DNMT3B: variants seen among roughly 807,000 people sequenced by gnomAD.
The protein encoded by DNMT3B is DNA methyltransferase 3 beta.
In DNMT3B, 37 loss-of-function variants were observed where a neutral mutation model predicts 120.2. The ratio of observed to expected loss-of-function variants is 0.31; its 90% CI spans 0.24 to 0.40. The LOEUF is 0.40. Ranked by LOEUF, DNMT3B falls within the 10% of genes least tolerant of loss-of-function variation. The probability of loss-of-function intolerance (pLI) is 1.00; values close to 1 mark genes in which losing one functional copy is unlikely to be tolerated. For missense variants in DNMT3B, 878 were observed against 1,137.3 expected, an observed-to-expected ratio of 0.77 and a Z score of 3.28; for synonymous variants, 412 against 442.8, an observed-to-expected ratio of 0.93 and a Z score of 0.87.
intron 16 of DNMT3B, 121 bp downstream of exon 16, chr20:32,799,449 C>T: frequency 1.7e-6 from 2 of 1,147,722 alleles, no homozygotes; most frequent in African/African-American, 3.1e-5. Context: ...GGATTACCAG[C>T]CCTGAAAAAA....
At chr20:32,791,819 GC>G in intron 8 of DNMT3B, 111 bp downstream of exon 8, 1 of 1,179,980 alleles carries the variant, frequency 8.5e-7, no homozygotes, top group Non-Finnish European at 1.2e-6. Context: ...GGACAGGGTG[GC>G]CAGGGAGGAG....
chr20:32,773,953 T>TTTTTTTC (rs1987911822), intron 1 of DNMT3B, among the ~76,000 whole-genome samples: 1 of 145,702 alleles, frequency 6.9e-6, no homozygotes, highest in East Asian at 2.0e-4. Flanking sequence ...TTTTTTTTTT[T>TTTTTTTC]TTTTTTTACG....
intron 20 of DNMT3B, among the ~76,000 whole-genome samples, 189 bp downstream of exon 20, chr20:32,802,659 G>T (rs1568860673): frequency 6.6e-6 from 1 of 152,044 alleles, no homozygotes; most frequent in African/African-American, 2.4e-5. Flanking sequence ...AATCTCTGTA[G>T]GAGTCCCACT....
intron 4 of DNMT3B, among the ~76,000 whole-genome samples, chr20:32,785,571 C>A (rs1038337783): frequency 3.2e-4 from 48 of 152,266 alleles, no homozygotes; most frequent in African/African-American, 1.2e-3. Context: ...ACCAGACTGA[C>A]AGTTACTATC....
intron 3 of DNMT3B, 37 bp downstream of exon 3, chr20:32,781,451 ACTTTGTCTTTG>A: frequency 6.2e-7 from 1 of 1,612,834 alleles, no homozygotes; most frequent in Non-Finnish European, 8.5e-7. Context: ...GGGCTCAGGG[ACTTTGTCTTTG>A]GCTTTCATCA....
intron 2 of DNMT3B, 39 bp from the exon 3 acceptor site, chr20:32,781,314 T>A: frequency 6.3e-7 from 1 of 1,585,450 alleles, no homozygotes; most frequent in African/African-American, 1.5e-5. Flanking sequence ...GACTGGTGCC[T>A]GCCCCCACAA....
At chr20:32,787,097 T>A (rs1979378884) in intron 5 of DNMT3B, 133 bp from the exon 6 acceptor site, 2 of 1,091,326 alleles carry the variant, frequency 1.8e-6, no homozygotes, top group Admixed American at 3.5e-5. Flanking sequence ...AAAAGTTTCT[T>A]CAGCGGTCTC....
intron 12 of DNMT3B, 109 bp from the exon 13 acceptor site, chr20:32,796,681 G>A: frequency 1.7e-6 from 2 of 1,208,034 alleles, no homozygotes; most frequent in Non-Finnish European, 2.5e-6. Context: ...AAGAGTCCTT[G>A]GCAAGCTGCT....
intron 1 of DNMT3B, among the ~76,000 whole-genome samples, chr20:32,773,357 G>A (rs893463671): frequency 2.0e-5 from 3 of 152,272 alleles, no homozygotes; most frequent in East Asian, 3.9e-4. Context: ...AGTGGTACAT[G>A]TACTCATGAC....
chr20:32,797,445 T>A (rs528568140), intron 14 of DNMT3B, 146 bp downstream of exon 14: 3 of 739,940 alleles, frequency 4.1e-6, no homozygotes, highest in African/African-American at 1.8e-5. Context: ...ACAGGGTTTA[T>A]ATTTTGTGGT....
At chr20:32,765,750 C>CTTTTTTTTTTTTTTTTTTT (rs1208508674) in intron 1 of DNMT3B, among the ~76,000 whole-genome samples, 3 of 108,440 alleles carry the variant, frequency 2.8e-5, no homozygotes, top group Admixed American at 1.9e-4. Flanking sequence ...TTTATTTTTT[C>CTTTTTTTTTTTTTTTTTTT]TTTTTTTCTT....
chr20:32,791,820 C>G (rs898449344), intron 8 of DNMT3B, 112 bp downstream of exon 8: 38 of 1,156,810 alleles, frequency 3.3e-5, no homozygotes, highest in Non-Finnish European at 4.5e-5. Flanking sequence ...GACAGGGTGG[C>G]CAGGGAGGAG....
intron 2 of DNMT3B, 71 bp downstream of exon 2, chr20:32,780,536 G>A: frequency 6.3e-7 from 1 of 1,580,668 alleles, no homozygotes; most frequent in Non-Finnish European, 8.6e-7. Context: ...GACAACTGGA[G>A]GCTTTGGGGA....
chr20:32,792,554 G>A (rs1980097771), intron 8 of DNMT3B, 72 bp from the exon 9 acceptor site: 2 of 1,612,026 alleles, frequency 1.2e-6, no homozygotes, highest in South Asian at 1.1e-5. Flanking sequence ...CCTGGCTGGG[G>A]GAATCCCTGG....
At position 32,807,866 on chromosome 20, in the gene DNMT3B, T is replaced by TC; in HGVS notation, c.2526dup (p.Phe843LeufsTer11). Reference sequence around the variant, plus strand: ...TGGAGCGTGCCTGTCATCCGACACCTCTTCGCCCCTCTGAAGGACTACTTT... The same window carrying TC: ...TGGAGCGTGCCTGTCATCCGACACCTCCTTCGCCCCTCTGAAGGACTACTTT... On this transcript the variant is annotated frameshift_variant, in exon 23 of 23. Transcript: ENST00000328111. LOFTEE classifies it high-confidence loss of function. 1 of 1,614,208 alleles carries TC rather than the reference T, an allele frequency of 6.2e-7. No individual in the cohort carries two copies. Among genetic ancestry groups the TC allele is most frequent in the Non-Finnish European group, 8.5e-7 (1 of 1,180,036 alleles).
At chr20:32,790,251 T>C (rs949494347) in intron 7 of DNMT3B, among the ~76,000 whole-genome samples, 5 of 152,258 alleles carry the variant, frequency 3.3e-5, no homozygotes, top group Non-Finnish European at 2.9e-5. Context: ...GGGCCCATGC[T>C]GGCAGTGAGG....
In DNMT3B at chr20:32,808,963, GCAAAGC is replaced by G; in HGVS notation, c.*1061_*1066del. On this transcript the variant is annotated 3_prime_UTR_variant, in exon 23 of 23. Transcript: ENST00000328111. The stretch of plus-strand genomic sequence containing the variant: ...CATCTGAGAGATGACAGGGAAAACT[GCAAAGC>G]TCGGTGCTCCCTTTGGAGATTTTTT... The G allele has an allele frequency of 4.5e-6, 1 of 220,424 alleles. No homozygotes were observed. Among genetic ancestry groups the G allele is most frequent in the Non-Finnish European group, 9.1e-6 (1 of 109,904 alleles). 13.7% of individuals were successfully genotyped at this position (220,424 alleles called of 1,614,324 possible). A position where few individuals can be genotyped will look rare whatever the true frequency, so the allele number is the denominator to read the frequency against.
chr20:32,801,828 G>A (rs8117681), intron 19 of DNMT3B, among the ~76,000 whole-genome samples: 3,500 of 152,100 alleles, frequency 0.023, 130 homozygotes, highest in African/African-American at 0.078. Context: ...CAAGCAATCC[G>A]CCCACCTCCC....
intron 3 of DNMT3B, 99 bp downstream of exon 3, chr20:32,781,513 T>A: frequency 1.5e-6 from 2 of 1,293,590 alleles, no homozygotes; most frequent in South Asian, 2.4e-5. Context: ...CATCTGCAAA[T>A]GTATGGAGGG....
Sources: gnomAD v4.1 joint callset for allele counts (sites outside exome capture counted in the v4.1 genomes callset) on GRCh38, gnomAD v4.1.1 for gene constraint, MANE v1.5 for transcripts, NCBI Gene and HGNC (gene_info 2026-07-23, HGNC 2026-07-21) for gene names.